Variants in DLC1 observed in about 807,000 individuals in gnomAD.
DLC1 encodes the protein DLC1 Rho GTPase activating protein.
Under a neutral mutation model 140.3 loss-of-function variants are expected in DLC1, and 54 were observed. The observed-to-expected ratio is 0.38, with a 90% CI of 0.31 to 0.48. DLC1 has a LOEUF of 0.48. Ranked by LOEUF, DLC1 falls within the 20% of genes least tolerant of loss-of-function variation. DLC1 has a pLI of 0.96. For synonymous variants in DLC1, 986 were observed against 728.1 expected, an observed-to-expected ratio of 1.35 and a Z score of -5.70; for missense variants, 2,536 against 1,907.0, an observed-to-expected ratio of 1.33 and a Z score of -6.14.
intron 5 of DLC1, among the ~76,000 whole-genome samples, chr8:13,269,050 T>A: frequency 6.6e-6 from 1 of 151,932 alleles, no homozygotes. Flanking sequence ...ATTTTTTGTA[T>A]TTTTAGTAGA....
chr8:13,410,859 G>A (rs190845212), intron 2 of DLC1, among the ~76,000 whole-genome samples: 13 of 152,230 alleles, frequency 8.5e-5, no homozygotes, highest in Admixed American at 3.3e-4. Context: ...CAGCAGAGGC[G>A]CATAATCATC....
In DLC1 at chr8:13,095,093, A is replaced by C. The variant is rs1300607129; in HGVS notation, c.3320T>G (p.Leu1107Trp). Residue 1107 changes from leucine to tryptophan, a missense_variant, in exon 11 of 18, where the codon TTG becomes TGG. Leu to Trp is a moderately conservative substitution (Grantham distance 61). Coordinates refer to ENST00000276297, the MANE Select transcript of DLC1 (RefSeq NM_182643.3). Reference protein sequence around the residue: ...QAMRYLRNHCLDQVGLFRKSG... With the variant: ...QAMRYLRNHCWDQVGLFRKSG... ...CGCAGGCAGCGCTCTCACCTGATCC[A>C]AACAATGGTTCCGGAGGTATCGCAT... 6.2e-7 allele frequency: 1 copy of C among 1,614,272 alleles called. No homozygotes were observed. The highest frequency in any genetic ancestry group is 1.3e-5 in the African/African-American group (1 of 75,072).
intron 5 of DLC1, among the ~76,000 whole-genome samples, chr8:13,178,223 G>C (rs538179087): frequency 8.5e-5 from 13 of 152,208 alleles, no homozygotes; most frequent in African/African-American, 3.1e-4. Flanking sequence ...GATGGCCAAA[G>C]TCTTCATAGA....
rs114865080 is a variant in DLC1, at chr8:13,420,612, C to T, written c.1024-18993G>A. Among the ~76,000 whole-genome samples the T allele has an allele frequency of 1.8e-3, 273 of 152,070 alleles. 1 individual carries two copies. Among genetic ancestry groups the T allele is most frequent in the African/African-American group, 6.4e-3 (265 of 41,486 alleles). Reference sequence around the variant, plus strand: ...TGTGTGATGTTCCCCTCCTTGTGTTCCCCTCATTGTTCAACTCTCACTTAT... The same window carrying T: ...TGTGTGATGTTCCCCTCCTTGTGTTTCCCTCATTGTTCAACTCTCACTTAT... On this transcript the variant is annotated intron_variant, in intron 2 of 17. Coordinates refer to ENST00000276297, the MANE Select transcript of DLC1 (RefSeq NM_182643.3).
At chr8:13,502,744 A>G (rs1298747450) in intron 1 of DLC1, among the ~76,000 whole-genome samples, 2 of 151,962 alleles carry the variant, frequency 1.3e-5, no homozygotes, top group East Asian at 3.9e-4. Context: ...CTGACTACTT[A>G]TTTTTCAGAT....
chr8:13,206,035 A>AT (rs1231262644), intron 5 of DLC1, among the ~76,000 whole-genome samples: 1 of 152,178 alleles, frequency 6.6e-6, no homozygotes, highest in African/African-American at 2.4e-5. Context: ...TAGAGGAAAA[A>AT]TGTGCCTTGA....
chr8:13,315,136 C>G (rs991939554), intron 4 of DLC1, among the ~76,000 whole-genome samples: 1 of 152,140 alleles, frequency 6.6e-6, no homozygotes, highest in African/African-American at 2.4e-5. Flanking sequence ...GATGAATGGC[C>G]TGGTGCAGTA....
chr8:13,544,110 C>T (rs1475464299), intron 1 of DLC1, among the ~76,000 whole-genome samples: 1 of 151,678 alleles, frequency 6.6e-6, no homozygotes, highest in Admixed American at 6.6e-5. Context: ...CATTGCATCC[C>T]ATGTATAATA....
At chr8:13,464,389 CAT>C (rs1799826080) in intron 2 of DLC1, among the ~76,000 whole-genome samples, 2 of 152,252 alleles carry the variant, frequency 1.3e-5, no homozygotes, top group East Asian at 3.9e-4. Context: ...AATTAGGAAA[CAT>C]AAATCTCAAA....
chr8:13,380,569 A>G (rs1836206277), intron 4 of DLC1, among the ~76,000 whole-genome samples: 1 of 152,216 alleles, frequency 6.6e-6, no homozygotes, highest in African/African-American at 2.4e-5. Flanking sequence ...TAAATATAGT[A>G]TTAATGAATG....
At chr8:13,234,864 G>C (rs1829210143) in intron 5 of DLC1, among the ~76,000 whole-genome samples, 1 of 151,938 alleles carries the variant, frequency 6.6e-6, no homozygotes, top group Non-Finnish European at 1.5e-5. Flanking sequence ...AAACAAAACA[G>C]AAAACCAAAA....
chr8:13,429,652 T>C (rs1029650839), intron 2 of DLC1, among the ~76,000 whole-genome samples: 5 of 152,196 alleles, frequency 3.3e-5, no homozygotes, highest in South Asian at 4.1e-4. Context: ...GCAGGGAACA[T>C]AGTGATACTC....
intron 1 of DLC1, among the ~76,000 whole-genome samples, chr8:13,593,172 A>C (rs1805574213): frequency 6.6e-6 from 1 of 152,158 alleles, no homozygotes; most frequent in Non-Finnish European, 1.5e-5. Context: ...CCATTTTATT[A>C]GCAGCAGGCC....
Position 13,167,214 on chromosome 8 carries a change from C to T in DLC1, c.1349-51557G>A, listed in dbSNP as rs142177440. 7.9e-5 allele frequency among the ~76,000 whole-genome samples: 12 copies of T among 152,214 alleles called. No homozygotes were observed. In the East Asian group the frequency reaches 2.3e-3, roughly 29 times the overall value. ...AAATGGTTACAAAGGGAGTTAAGGG[C>T]GTAAAAGGCACAAATACTAACTAAA... On this transcript the variant is annotated intron_variant, in intron 5 of 17. Coordinates refer to ENST00000276297, the MANE Select transcript of DLC1 (RefSeq NM_182643.3).
chr8:13,430,977 A>C (rs1253083437), intron 2 of DLC1, among the ~76,000 whole-genome samples: 1 of 152,254 alleles, frequency 6.6e-6, no homozygotes, highest in Admixed American at 6.5e-5. Context: ...ACATATTGAA[A>C]AATTGAAAAC....
intron 4 of DLC1, among the ~76,000 whole-genome samples, chr8:13,335,176 A>T (rs976438000): frequency 6.6e-6 from 1 of 152,146 alleles, no homozygotes; most frequent in Non-Finnish European, 1.5e-5. Context: ...GGAAGAAAGG[A>T]TGGCTGGAGA....
chr8:13,224,679 T>C (rs1828708034), intron 5 of DLC1, among the ~76,000 whole-genome samples: 1 of 152,200 alleles, frequency 6.6e-6, no homozygotes. Context: ...GAGGAGCTAC[T>C]TCCTTCTAAA....
At chr8:13,276,560 T>C (rs1266640414) in intron 5 of DLC1, 2 of 1,273,788 alleles carry the variant, frequency 1.6e-6, no homozygotes, top group Non-Finnish European at 2.0e-6. Flanking sequence ...GGCGGCCTCC[T>C]GGCCCGCGGC....
At chr8:13,383,363 A>G (rs1466208142) in intron 4 of DLC1, among the ~76,000 whole-genome samples, 1 of 152,116 alleles carries the variant, frequency 6.6e-6, no homozygotes, top group Non-Finnish European at 1.5e-5. Context: ...GTGAGTTTGC[A>G]TATGTTCAGA....
Sources: gnomAD v4.1 joint callset for allele counts (sites outside exome capture counted in the v4.1 genomes callset) on GRCh38, gnomAD v4.1.1 for gene constraint, MANE v1.5 for transcripts, NCBI Gene and HGNC (gene_info 2026-07-23, HGNC 2026-07-21) for gene names.